LRRC7: variants seen among roughly 807,000 people sequenced by gnomAD.
The protein encoded by LRRC7 is leucine rich repeat containing 7, also known as leucine-rich repeat-containing protein 7.
LRRC7 carries 23 observed loss-of-function variants against 175.7 expected under a neutral mutation model. The ratio of observed to expected loss-of-function variants is 0.13; its 90% CI spans 0.09 to 0.19. The LOEUF (loss-of-function observed/expected upper bound fraction) is 0.19, where lower values mean the gene tolerates loss of function less well. Among genes scored for constraint, LRRC7 ranks in the 10% least tolerant of loss-of-function variants. LRRC7 has a pLI of 1.00. For synonymous variants in LRRC7, 685 were observed against 680.9 expected (o/e 1.01, Z -0.09); for missense variants, 1,354 against 1,904.7 (o/e 0.71, Z 5.38).
chr1:69,857,188 C>A (rs535106519), intron 7 of LRRC7, among the ~76,000 whole-genome samples: 30 of 152,256 alleles, frequency 2.0e-4, no homozygotes, highest in African/African-American at 7.2e-4. Context: ...GAAGCATTCC[C>A]TTTGAAAACT....
At position 69,591,052 on chromosome 1, in the gene LRRC7, C is replaced by T. The variant is rs957405174; in HGVS notation, c.2+22411C>T. Among the ~76,000 whole-genome samples the T allele has an allele frequency of 9.2e-5, 14 of 151,834 alleles. No homozygotes were observed. In the South Asian group the frequency reaches 1.2e-3, roughly 14 times the overall value. On this transcript the variant is annotated intron_variant, in intron 1 of 26. Transcript: ENST00000651989. ...TTAGCTACACATAAAGTTTAATTTT[C>T]GATAAAGATGATGATGAATTGAAAT...
intron 10 of LRRC7, among the ~76,000 whole-genome samples, chr1:69,990,453 A>C (rs917052566): frequency 9.9e-5 from 15 of 152,028 alleles, no homozygotes; most frequent in Non-Finnish European, 1.9e-4. Flanking sequence ...AATTAATTAA[A>C]TTACTCAATT....
At position 69,568,382 on chromosome 1, in the gene LRRC7, G is replaced by T. The variant is rs915117609; in HGVS notation, c.-258G>T. ...CTCCTGCCTCCCCCGCCGGCGCTTC[G>T]GGCTTCCCCTCAGCCGCTTCCCGCG... On this transcript the variant is annotated 5_prime_UTR_variant, in exon 1 of 27. Coordinates refer to ENST00000651989, the MANE Select transcript of LRRC7 (RefSeq NM_001370785.2). 2 of 201,722 alleles carry T rather than the reference G, an allele frequency of 9.9e-6. No homozygotes were observed. 12.5% of individuals were successfully genotyped at this position (201,722 alleles called of 1,614,324 possible).
intron 23 of LRRC7, among the ~76,000 whole-genome samples, chr1:70,069,981 G>A (rs1240014971): frequency 6.6e-6 from 1 of 151,942 alleles, no homozygotes; most frequent in Non-Finnish European, 1.5e-5. Context: ...TTTCTTTGCT[G>A]AGACTTTTTA....
chr1:69,775,755 T>C (rs1672741604), intron 3 of LRRC7, among the ~76,000 whole-genome samples: 1 of 152,192 alleles, frequency 6.6e-6, no homozygotes, highest in African/African-American at 2.4e-5. Context: ...TGTTACAGAA[T>C]CAAATGCGAA....
At chr1:69,853,494 G>C (rs1683241234) in intron 7 of LRRC7, among the ~76,000 whole-genome samples, 1 of 151,892 alleles carries the variant, frequency 6.6e-6, no homozygotes, top group Non-Finnish European at 1.5e-5. Context: ...GGCCAGGCTG[G>C]TCTCAAACTC....
intron 7 of LRRC7, among the ~76,000 whole-genome samples, chr1:69,853,676 G>A (rs11209557): frequency 6.6e-6 from 1 of 152,020 alleles, no homozygotes; most frequent in South Asian, 2.1e-4. Context: ...AGAGTCTAAT[G>A]CAAGATGAAG....
At chr1:69,625,398 TGTCAGTC>T (rs1651333752) in intron 1 of LRRC7, among the ~76,000 whole-genome samples, 1 of 149,290 alleles carries the variant, frequency 6.7e-6, no homozygotes, top group Non-Finnish European at 1.5e-5. Flanking sequence ...TTATCAATTT[TGTCAGTC>T]TTTCCGAAGA....
At chr1:69,916,264 AAAATAT>A (rs1487391985) in intron 7 of LRRC7, among the ~76,000 whole-genome samples, 1 of 134,066 alleles carries the variant, frequency 7.5e-6, no homozygotes, top group East Asian at 2.0e-4. Flanking sequence ...ATATAAATAT[AAAATAT>A]AAATATATAT....
intron 7 of LRRC7, among the ~76,000 whole-genome samples, chr1:69,901,400 C>G (rs569870942): frequency 1.3e-5 from 2 of 152,256 alleles, no homozygotes; most frequent in South Asian, 4.1e-4. Flanking sequence ...ATTAAAATAG[C>G]AAATAGAGAA....
At chr1:69,950,870 C>T (rs1483397376) in intron 8 of LRRC7, among the ~76,000 whole-genome samples, 4 of 151,672 alleles carry the variant, frequency 2.6e-5, no homozygotes, top group Admixed American at 2.6e-4. Flanking sequence ...ATGCTTTGGG[C>T]ATAATGTTAG....
At chr1:69,855,432 G>A (rs911470576) in intron 7 of LRRC7, among the ~76,000 whole-genome samples, 6 of 152,048 alleles carry the variant, frequency 3.9e-5, no homozygotes, top group South Asian at 4.1e-4. Context: ...GTAGTTGAGC[G>A]GTTTTGAGTG....
intron 4 of LRRC7, among the ~76,000 whole-genome samples, chr1:69,809,046 AAG>A (rs1473587647): frequency 6.6e-6 from 1 of 152,160 alleles, no homozygotes; most frequent in Non-Finnish European, 1.5e-5. Flanking sequence ...ATAAAGAAGA[AAG>A]AGAGAAGAAT....
chr1:69,812,468 C>A (rs1316701402), intron 4 of LRRC7, among the ~76,000 whole-genome samples: 1 of 151,866 alleles, frequency 6.6e-6, no homozygotes, highest in African/African-American at 2.4e-5. Flanking sequence ...ATAGAAAGAA[C>A]CCTCTGTTCT....
intron 2 of LRRC7, among the ~76,000 whole-genome samples, chr1:69,700,021 G>A (rs1230525520): frequency 6.6e-6 from 1 of 152,148 alleles, no homozygotes; most frequent in Non-Finnish European, 1.5e-5. Flanking sequence ...CTCATGTTAT[G>A]GTAATAGCTT....
intron 7 of LRRC7, chr1:69,920,112 G>A: frequency 4.2e-6 from 1 of 238,934 alleles, no homozygotes; most frequent in South Asian, 7.0e-5. Context: ...AATGTGGTGG[G>A]AGGAGTGTTC....
chr1:69,842,071 T>C (rs915990894), intron 7 of LRRC7, among the ~76,000 whole-genome samples: 8 of 152,180 alleles, frequency 5.3e-5, no homozygotes, highest in African/African-American at 1.9e-4. Context: ...TTCATATAAT[T>C]AATATTTATA....
intron 2 of LRRC7, among the ~76,000 whole-genome samples, chr1:69,718,720 C>G (rs1348329256): frequency 6.6e-6 from 1 of 151,740 alleles, no homozygotes; most frequent in Non-Finnish European, 1.5e-5. Context: ...GCCACAGAAA[C>G]TGATAGAAAT....
intron 4 of LRRC7, among the ~76,000 whole-genome samples, chr1:69,810,585 A>G (rs548083422): frequency 6.6e-6 from 1 of 152,278 alleles, no homozygotes; most frequent in Admixed American, 6.5e-5. Context: ...ATATAGACCA[A>G]TAGAACAGAA....
Sources: gnomAD v4.1 joint callset for allele counts (sites outside exome capture counted in the v4.1 genomes callset) on GRCh38, gnomAD v4.1.1 for gene constraint, MANE v1.5 for transcripts, NCBI Gene and HGNC (gene_info 2026-07-23, HGNC 2026-07-21) for gene names.